Variants in KCNIP4 observed in about 807,000 individuals in gnomAD.
KCNIP4 encodes potassium voltage-gated channel interacting protein 4, also known as Kv channel-interacting protein 4.
A neutral mutation model predicts 34.0 loss-of-function variants in KCNIP4; 12 were observed. The ratio of observed to expected loss-of-function variants is 0.35; its 90% CI spans 0.23 to 0.57. The LOEUF (loss-of-function observed/expected upper bound fraction) is 0.57. Ranked by LOEUF, KCNIP4 falls within the 20% of genes least tolerant of loss-of-function variation. The pLI, the probability that KCNIP4 is intolerant of heterozygous loss-of-function variation, is 0.83. For missense variants in KCNIP4, 238 were observed against 311.7 expected, an observed-to-expected ratio of 0.76 and a Z score of 1.78; for synonymous variants, 124 against 102.2, an observed-to-expected ratio of 1.21 and a Z score of -1.29.
chr4:21,683,187 T>A (rs545714129), intron 1 of KCNIP4, among the ~76,000 whole-genome samples: 1 of 152,170 alleles, frequency 6.6e-6, no homozygotes, highest in Non-Finnish European at 1.5e-5. Context: ...TCCCTTACCA[T>A]ACCTTCTGAA....
chr4:21,094,423 G>A (rs979628983), intron 1 of KCNIP4, among the ~76,000 whole-genome samples: 9 of 152,186 alleles, frequency 5.9e-5, no homozygotes, highest in African/African-American at 2.2e-4. Flanking sequence ...AGAAGCTCTG[G>A]TGACGGCTAG....
At chr4:21,691,545 G>A (rs955719176) in intron 1 of KCNIP4, among the ~76,000 whole-genome samples, 4 of 152,020 alleles carry the variant, frequency 2.6e-5, no homozygotes, top group African/African-American at 9.7e-5. Flanking sequence ...GATCACAATC[G>A]ATGTATAATA....
At chr4:21,274,060 T>C (rs1257561454) in intron 1 of KCNIP4, among the ~76,000 whole-genome samples, 3 of 152,232 alleles carry the variant, frequency 2.0e-5, no homozygotes, top group South Asian at 4.1e-4. Context: ...AGGTCTCATA[T>C]GACCTTGGAA....
At chr4:21,898,900 C>A (rs1191690007) in intron 1 of KCNIP4, among the ~76,000 whole-genome samples, 1 of 152,110 alleles carries the variant, frequency 6.6e-6, no homozygotes, top group Admixed American at 6.5e-5. Flanking sequence ...CTGCCCAGGG[C>A]CAGAGGGAAG....
At chr4:21,212,799 AC>A (rs759415783) in intron 1 of KCNIP4, among the ~76,000 whole-genome samples, 2 of 152,012 alleles carry the variant, frequency 1.3e-5, no homozygotes, top group Non-Finnish European at 2.9e-5. Context: ...CAAAGTCTCG[AC>A]TCTTAATACC....
intron 1 of KCNIP4, among the ~76,000 whole-genome samples, chr4:21,596,432 G>A (rs1369208750): frequency 2.0e-5 from 3 of 152,028 alleles, no homozygotes; most frequent in Non-Finnish European, 4.4e-5. Flanking sequence ...TATTTCTGCT[G>A]TTGCTTTTAG....
chr4:21,833,926 G>C (rs1313453413), intron 1 of KCNIP4, among the ~76,000 whole-genome samples: 3 of 151,924 alleles, frequency 2.0e-5, no homozygotes, highest in Non-Finnish European at 4.4e-5. Context: ...ATTTCTGAGG[G>C]CTCTGTTCTG....
chr4:21,507,187 A>C (rs867464914), intron 1 of KCNIP4, among the ~76,000 whole-genome samples: 1 of 151,964 alleles, frequency 6.6e-6, no homozygotes, highest in East Asian at 1.9e-4. Flanking sequence ...ATTGAGATCC[A>C]TTGTACTAGC....
At chr4:21,300,006 CT>C (rs974418282) in intron 1 of KCNIP4, among the ~76,000 whole-genome samples, 3 of 151,982 alleles carry the variant, frequency 2.0e-5, no homozygotes, top group African/African-American at 7.2e-5. Context: ...TTCTTTTTGT[CT>C]TTTTATCAAA....
rs1186541792 is a variant in KCNIP4, at chr4:21,901,831, G to A, written c.61+46740C>T. On this transcript the variant is annotated intron_variant, in intron 1 of 8. Transcript: ENST00000382152. ...AATATAAAAATGCAAATTGATGAAT[G>A]TAGGTTGAAAAATCTGGGGAAGTTC... Among the ~76,000 whole-genome samples the A allele has an allele frequency of 3.3e-5, 5 of 152,146 alleles. No individual in the cohort carries two copies. In the East Asian group the frequency reaches 7.7e-4, roughly 24 times the overall value.
At chr4:20,829,161 G>T (rs900480046) in intron 3 of KCNIP4, among the ~76,000 whole-genome samples, 1 of 151,974 alleles carries the variant, frequency 6.6e-6, no homozygotes, top group African/African-American at 2.4e-5. Flanking sequence ...TAAGACGAAG[G>T]TCCAGTCTTC....
chr4:20,892,377 C>T (rs1421947847), intron 1 of KCNIP4, among the ~76,000 whole-genome samples: 1 of 152,152 alleles, frequency 6.6e-6, no homozygotes, highest in South Asian at 2.1e-4. Flanking sequence ...CTTTCCATCT[C>T]TCTATCTGTC....
intron 1 of KCNIP4, chr4:21,843,809 A>G (rs182951057): frequency 5.3e-4 from 81 of 152,260 alleles, no homozygotes; most frequent in African/African-American, 1.9e-3. Flanking sequence ...GAGGTCTTCA[A>G]TGAACAGACA....
intron 1 of KCNIP4, among the ~76,000 whole-genome samples, chr4:21,354,280 T>C (rs1395959963): frequency 6.6e-6 from 1 of 152,102 alleles, no homozygotes; most frequent in Non-Finnish European, 1.5e-5. Flanking sequence ...AATGACAGGA[T>C]CAAATTCACA....
intron 1 of KCNIP4, among the ~76,000 whole-genome samples, chr4:21,589,289 T>TATGTATCTATAC (rs1313682294): frequency 1.5e-4 from 22 of 143,298 alleles, no homozygotes; most frequent in African/African-American, 5.6e-4. Flanking sequence ...TAGATACATA[T>TATGTATCTATAC]ATATGTGTAT....
At chr4:21,836,105 C>A (rs1333319162) in intron 1 of KCNIP4, among the ~76,000 whole-genome samples, 5 of 152,116 alleles carry the variant, frequency 3.3e-5, no homozygotes, top group African/African-American at 1.2e-4. Flanking sequence ...GCACACCACC[C>A]CTAAATTACC....
At chr4:21,279,105 G>C (rs909607697) in intron 1 of KCNIP4, among the ~76,000 whole-genome samples, 2 of 152,190 alleles carry the variant, frequency 1.3e-5, no homozygotes, top group African/African-American at 2.4e-5. Flanking sequence ...GATGTATTAT[G>C]AAAGCTTATA....
intron 1 of KCNIP4, among the ~76,000 whole-genome samples, chr4:21,705,430 T>C (rs985196732): frequency 3.3e-5 from 5 of 152,162 alleles, no homozygotes; most frequent in African/African-American, 7.2e-5. Flanking sequence ...TCTACAATTA[T>C]ACCCAAATAA....
chr4:20,910,101 C>T (rs751866171), intron 1 of KCNIP4, among the ~76,000 whole-genome samples: 1 of 152,170 alleles, frequency 6.6e-6, no homozygotes, highest in African/African-American at 2.4e-5. Flanking sequence ...CCACTGGGAT[C>T]CAGACCTGAT....
Sources: gnomAD v4.1 joint callset for allele counts (sites outside exome capture counted in the v4.1 genomes callset) on GRCh38, gnomAD v4.1.1 for gene constraint, MANE v1.5 for transcripts, NCBI Gene and HGNC (gene_info 2026-07-23, HGNC 2026-07-21) for gene names.